CSMD1: variants seen among roughly 807,000 people sequenced by gnomAD.
The protein encoded by CSMD1 is CUB and sushi domain-containing protein 1.
A neutral mutation model predicts 417.5 loss-of-function variants in CSMD1; 213 were observed. That is an observed-to-expected ratio of 0.51 (90% CI 0.46 to 0.57). The LOEUF is 0.57. Among genes scored for constraint, CSMD1 ranks in the 20% least tolerant of loss-of-function variants. CSMD1 has a pLI of 0.00. For missense variants in CSMD1, 6,923 were observed against 4,529.7 expected (o/e 1.53, Z -15.17); for synonymous variants, 2,862 against 1,736.8 (o/e 1.65, Z -16.11).
intron 3 of CSMD1, among the ~76,000 whole-genome samples, chr8:4,365,987 G>T (rs1370729): frequency 6.6e-6 from 1 of 152,096 alleles, no homozygotes; most frequent in Non-Finnish European, 1.5e-5. Context: ...TGGGGAAACT[G>T]TGTGTTGTTG....
intron 1 of CSMD1, among the ~76,000 whole-genome samples, chr8:4,916,431 T>G (rs1009042286): frequency 6.6e-6 from 1 of 152,238 alleles, no homozygotes; most frequent in African/African-American, 2.4e-5. Flanking sequence ...TGGCTTTCAT[T>G]TACATGAAAT....
rs182756756 is a variant in CSMD1 at position 3,666,427 on chromosome 8, G to C, written c.1009+41987C>G. Among the ~76,000 whole-genome samples, 31 of 152,202 alleles carry C rather than the reference G, an allele frequency of 2.0e-4. No individual in the cohort carries two copies. In the East Asian group the frequency reaches 5.8e-3, roughly 28 times the overall value. On this transcript the variant is annotated intron_variant, in intron 7 of 69. Coordinates refer to ENST00000635120, the MANE Select transcript of CSMD1 (RefSeq NM_033225.6). Reference sequence around the variant, plus strand: ...AAATATCTGATTTTAATGTATACTTGCTAAAATAATTAAGACAGAAATACT... The same window carrying C: ...AAATATCTGATTTTAATGTATACTTCCTAAAATAATTAAGACAGAAATACT...
At chr8:3,636,575 G>A (rs1032751134) in intron 7 of CSMD1, among the ~76,000 whole-genome samples, 1 of 152,114 alleles carries the variant, frequency 6.6e-6, no homozygotes, top group Non-Finnish European at 1.5e-5. Context: ...ACTTTATGCT[G>A]GTCATGAAAC....
chr8:3,288,500 A>G (rs1395453695), intron 25 of CSMD1, among the ~76,000 whole-genome samples: 1 of 147,124 alleles, frequency 6.8e-6, no homozygotes, highest in Non-Finnish European at 1.5e-5. Flanking sequence ...CTATTCAGAG[A>G]TTCAACTTCT....
intron 3 of CSMD1, among the ~76,000 whole-genome samples, chr8:4,279,472 C>T (rs573211442): frequency 2.6e-5 from 4 of 152,208 alleles, no homozygotes; most frequent in East Asian, 3.9e-4. Context: ...CATTTAATAG[C>T]GTTTTTTCAT....
At chr8:3,652,129 G>C (rs111287408) in intron 7 of CSMD1, among the ~76,000 whole-genome samples, 1 of 112,620 alleles carries the variant, frequency 8.9e-6, no homozygotes, top group Non-Finnish European at 1.8e-5. Flanking sequence ...CCATCAGAGC[G>C]CTTACCACCA....
chr8:3,764,735 CTT>C (rs1563056158), intron 5 of CSMD1, among the ~76,000 whole-genome samples: 4 of 105,474 alleles, frequency 3.8e-5, no homozygotes, highest in South Asian at 4.2e-4. Context: ...GCCCTTTTCT[CTT>C]TCTTTTTTTT....
At chr8:4,072,716 A>C (rs139471978) in intron 3 of CSMD1, among the ~76,000 whole-genome samples, 15 of 152,342 alleles carry the variant, frequency 9.8e-5, no homozygotes, top group African/African-American at 2.4e-4. Context: ...GGGAATACAG[A>C]AATGAACAAA....
chr8:3,961,941 T>C (rs1812356184), intron 5 of CSMD1, among the ~76,000 whole-genome samples: 1 of 152,172 alleles, frequency 6.6e-6, no homozygotes, highest in African/African-American at 2.4e-5. Context: ...GCTTTCTTCC[T>C]CAAATACCAC....
At chr8:3,382,301 A>C (rs1210573457) in intron 18 of CSMD1, among the ~76,000 whole-genome samples, 1 of 148,976 alleles carries the variant, frequency 6.7e-6, no homozygotes, top group Non-Finnish European at 1.5e-5. Context: ...TATTTTTTAA[A>C]GTTTATTGGG....
chr8:4,436,645 T>G (rs1477157614), intron 2 of CSMD1, among the ~76,000 whole-genome samples: 1 of 152,218 alleles, frequency 6.6e-6, no homozygotes, highest in African/African-American at 2.4e-5. Context: ...TTTAATCCAT[T>G]AACAATCACC....
chr8:3,412,357 G>C (rs1052834836), intron 12 of CSMD1, among the ~76,000 whole-genome samples: 6 of 151,868 alleles, frequency 4.0e-5, no homozygotes, highest in Non-Finnish European at 7.4e-5. Context: ...TGTCAGTTTT[G>C]GCAATGTTTG....
intron 1 of CSMD1, among the ~76,000 whole-genome samples, chr8:4,760,479 G>A (rs987649214): frequency 3.3e-5 from 5 of 152,004 alleles, no homozygotes; most frequent in Non-Finnish European, 7.4e-5. Context: ...CTAATCCTGT[G>A]AGAATTAAAA....
At chr8:3,455,953 C>G (rs1554427178) in intron 12 of CSMD1, among the ~76,000 whole-genome samples, 1 of 152,190 alleles carries the variant, frequency 6.6e-6, no homozygotes, top group Non-Finnish European at 1.5e-5. Context: ...CTGAGGTGGG[C>G]TCCACCCAGT....
intron 11 of CSMD1, among the ~76,000 whole-genome samples, chr8:3,475,441 A>G (rs1183976259): frequency 6.6e-6 from 1 of 152,260 alleles, no homozygotes; most frequent in African/African-American, 2.4e-5. Flanking sequence ...ATATTTCCAA[A>G]TAATGATGTA....
At chr8:4,648,538 G>T (rs1457940637) in intron 1 of CSMD1, among the ~76,000 whole-genome samples, 1 of 152,104 alleles carries the variant, frequency 6.6e-6, no homozygotes, top group Non-Finnish European at 1.5e-5. Flanking sequence ...GGGAAATAGT[G>T]CTATAACTTA....
chr8:4,079,919 C>G (rs191370218), intron 3 of CSMD1, among the ~76,000 whole-genome samples: 2 of 151,830 alleles, frequency 1.3e-5, no homozygotes, highest in Non-Finnish European at 2.9e-5. Flanking sequence ...CTTTCCACCC[C>G]TTTTCTCAGT....
intron 3 of CSMD1, among the ~76,000 whole-genome samples, chr8:4,194,359 C>T (rs888522392): frequency 1.3e-5 from 2 of 152,076 alleles, no homozygotes; most frequent in African/African-American, 4.8e-5. Context: ...CCTAATTTGC[C>T]ATGTTGATAT....
chr8:4,786,768 C>A (rs1035202887), intron 1 of CSMD1, among the ~76,000 whole-genome samples: 9 of 151,794 alleles, frequency 5.9e-5, no homozygotes, highest in East Asian at 1.9e-4. Context: ...GTTTCTTTTG[C>A]CTCAAACTTC....
Sources: gnomAD v4.1 joint callset for allele counts (sites outside exome capture counted in the v4.1 genomes callset) on GRCh38, gnomAD v4.1.1 for gene constraint, MANE v1.5 for transcripts, NCBI Gene and HGNC (gene_info 2026-07-23, HGNC 2026-07-21) for gene names.